Variants in UBR3 observed in about 807,000 individuals in gnomAD.
UBR3 encodes ubiquitin protein ligase E3 component n-recognin 3.
A neutral mutation model predicts 243.2 loss-of-function variants in UBR3; 85 were observed. That is an observed-to-expected ratio of 0.35 (90% CI 0.29 to 0.42). The LOEUF (loss-of-function observed/expected upper bound fraction) is 0.42, where lower values mean the gene tolerates loss of function less well. Ranked by LOEUF, UBR3 falls within the 10% of genes least tolerant of loss-of-function variation. The pLI is 1.00. For synonymous variants in UBR3, 748 were observed against 799.8 expected (o/e 0.94, Z 1.09); for missense variants, 1,686 against 2,300.8 (o/e 0.73, Z 5.47).
intron 32 of UBR3, among the ~76,000 whole-genome samples, chr2:170,052,243 T>C (rs1275371233): frequency 6.6e-6 from 1 of 152,198 alleles, no homozygotes; most frequent in African/African-American, 2.4e-5. Context: ...TTCTGATTGT[T>C]GACTCATTGT....
At chr2:169,967,276 C>T (rs967868557) in intron 24 of UBR3, among the ~76,000 whole-genome samples, 1 of 146,708 alleles carries the variant, frequency 6.8e-6, no homozygotes, top group Non-Finnish European at 1.5e-5. Flanking sequence ...CCCCCCCCCA[C>T]ACACAGTTGG....
chr2:169,909,775 G>T (rs979867404), intron 10 of UBR3, among the ~76,000 whole-genome samples: 4 of 151,572 alleles, frequency 2.6e-5, no homozygotes, highest in African/African-American at 9.7e-5. Flanking sequence ...ACATCACATT[G>T]TACCCCATAA....
intron 33 of UBR3, among the ~76,000 whole-genome samples, chr2:170,059,167 G>A (rs1233921492): frequency 6.6e-6 from 1 of 152,112 alleles, no homozygotes; most frequent in Non-Finnish European, 1.5e-5. Flanking sequence ...GTATTGTGAA[G>A]AAGTCTCAAT....
intron 1 of UBR3, among the ~76,000 whole-genome samples, chr2:169,856,338 C>T (rs565265638): frequency 4.0e-5 from 6 of 151,618 alleles, no homozygotes; most frequent in African/African-American, 1.5e-4. Flanking sequence ...AGGCACTCCT[C>T]ACTTCCCAGA....
chr2:170,072,176 T>C (rs1323943286), intron 35 of UBR3, among the ~76,000 whole-genome samples: 1 of 152,136 alleles, frequency 6.6e-6, no homozygotes, highest in East Asian at 1.9e-4. Context: ...CCAACCCAAA[T>C]GTCCAACAAT....
rs372696847 is a variant in UBR3, at chr2:170,025,760, G to A, written c.4454-3586G>A. 3.0e-4 allele frequency among the ~76,000 whole-genome samples: 46 copies of A among 152,284 alleles called. No individual in the cohort carries two copies. In the South Asian group the frequency reaches 7.3e-3, roughly 24 times the overall value. ...AAGAGGCAGAACCAATGGGATTGGT[G>A]GAGGGCAAGGCTGTAGGAGATGACT... On this transcript the variant is annotated intron_variant, in intron 30 of 38. Transcript: ENST00000272793.
In UBR3 at chr2:169,958,965, T is replaced by A. The variant is rs1432345037; in HGVS notation, c.3634+439T>A. Among the ~76,000 whole-genome samples the A allele has an allele frequency of 3.9e-5, 6 of 152,180 alleles. No individual in the cohort carries two copies. The South Asian group carries it at 6.2e-4, about 16-fold the overall frequency. The stretch of plus-strand genomic sequence containing the variant: ...TTTCCATTAAGATTAGCATTAGAAT[T>A]TATACAGTGAGAGAGGATACCATGT... On this transcript the variant is annotated intron_variant, in intron 24 of 38. Transcript: ENST00000272793.
intron 11 of UBR3, among the ~76,000 whole-genome samples, chr2:169,922,592 G>T (rs1417483543): frequency 6.6e-6 from 1 of 152,002 alleles, no homozygotes; most frequent in African/African-American, 2.4e-5. Context: ...TCATTAAATA[G>T]CTACTCCCCA....
intron 24 of UBR3, among the ~76,000 whole-genome samples, chr2:169,959,239 T>G (rs1158557848): frequency 6.6e-6 from 1 of 152,140 alleles, no homozygotes; most frequent in African/African-American, 2.4e-5. Flanking sequence ...CATAACCAAC[T>G]TCCTGAAGAA....
rs1177588222 is a variant in UBR3 at position 169,827,738 on chromosome 2, C to A, written c.231C>A (p.Ala77=). The part of the protein sequence containing the change: ...AAAGGEDAAA[A]GGGGGPGAAE... ...CCGGCGGCGAGGACGCGGCGGCGGCCGGAGGCGGGGGCGGTCCGGGGGCGG... is the reference window on the plus strand; with the variant it reads ...CCGGCGGCGAGGACGCGGCGGCGGCAGGAGGCGGGGGCGGTCCGGGGGCGG... Residue 77 remains alanine (A), a synonymous_variant, in exon 1 of 39, where the codon GCC becomes GCA. Coordinates refer to ENST00000272793, the MANE Select transcript of UBR3 (RefSeq NM_172070.4). 3.2e-6 allele frequency: 4 copies of A among 1,239,108 alleles called. No individual in the cohort carries two copies. Among genetic ancestry groups the A allele is most frequent in the Non-Finnish European group, 1.0e-6 (1 of 994,260 alleles). 76.8% of individuals were successfully genotyped at this position (1,239,108 alleles called of 1,614,324 possible).
chr2:170,046,182 G>C (rs1281536357), intron 32 of UBR3, among the ~76,000 whole-genome samples: 1 of 152,038 alleles, frequency 6.6e-6, no homozygotes, highest in Admixed American at 6.6e-5. Context: ...GGCCAGACTG[G>C]TCTGAATATC....
At chr2:169,898,598 A>C (rs911964613) in intron 8 of UBR3, among the ~76,000 whole-genome samples, 7 of 149,644 alleles carry the variant, frequency 4.7e-5, no homozygotes, top group Non-Finnish European at 8.9e-5. Flanking sequence ...CTACTTTGTG[A>C]GTCTGCCTTC....
intron 30 of UBR3, among the ~76,000 whole-genome samples, chr2:170,025,792 T>G (rs2090513263): frequency 6.6e-6 from 1 of 152,058 alleles, no homozygotes; most frequent in Non-Finnish European, 1.5e-5. Context: ...GACTCCCGAG[T>G]TTTTCCTTGG....
At chr2:169,835,993 GTCTCTCTCTCTCTCTCTCTC>G (rs577838877) in intron 1 of UBR3, among the ~76,000 whole-genome samples, 367 of 30,698 alleles carry the variant, frequency 0.012, 8 homozygotes, top group South Asian at 0.027. Context: ...TGTGTGCACT[GTCTCTCTCTCTCTCTCTCTC>G]TCTCTCTCTC....
intron 29 of UBR3, among the ~76,000 whole-genome samples, chr2:170,010,565 AG>A (rs2090052998): frequency 2.6e-5 from 4 of 152,216 alleles, no homozygotes; most frequent in African/African-American, 9.6e-5. Flanking sequence ...AGTAACTTAC[AG>A]AAAAAAGCTT....
intron 24 of UBR3, among the ~76,000 whole-genome samples, chr2:169,970,232 TA>T (rs1411163816): frequency 7.7e-6 from 1 of 130,204 alleles, no homozygotes; most frequent in Non-Finnish European, 1.6e-5. Context: ...AACTTGTTCC[TA>T]GGTTTTTTTT....
intron 11 of UBR3, among the ~76,000 whole-genome samples, chr2:169,920,159 C>T (rs1212330184): frequency 6.6e-6 from 1 of 152,078 alleles, no homozygotes; most frequent in Non-Finnish European, 1.5e-5. Context: ...AGTTCATGTC[C>T]TTTGTAGGGA....
chr2:170,007,313 G>T, intron 28 of UBR3, 123 bp downstream of exon 28: 1 of 1,012,554 alleles, frequency 9.9e-7, no homozygotes, highest in Non-Finnish European at 1.4e-6. Flanking sequence ...GCTTTTAGAG[G>T]TTTTGTTCTC....
chr2:169,995,245 G>A (rs1036366428), intron 26 of UBR3, among the ~76,000 whole-genome samples: 7 of 152,138 alleles, frequency 4.6e-5, no homozygotes, highest in Admixed American at 6.5e-5. Context: ...AATAGGAAGT[G>A]CTCTTTAACG....
Sources: gnomAD v4.1 joint callset for allele counts (sites outside exome capture counted in the v4.1 genomes callset) on GRCh38, gnomAD v4.1.1 for gene constraint, MANE v1.5 for transcripts, NCBI Gene and HGNC (gene_info 2026-07-23, HGNC 2026-07-21) for gene names.